RALGAPB: variants seen among roughly 807,000 people sequenced by gnomAD.
The protein encoded by RALGAPB is ral GTPase-activating protein subunit beta.
In RALGAPB, 25 loss-of-function variants were observed where a neutral mutation model predicts 161.1. That is an observed-to-expected ratio of 0.16 (90% confidence interval 0.11 to 0.22). The LOEUF (loss-of-function observed/expected upper bound fraction) is 0.22, where lower values mean the gene tolerates loss of function less well. Among genes scored for constraint, RALGAPB ranks in the 10% least tolerant of loss-of-function variants. The pLI, the probability that RALGAPB is intolerant of heterozygous loss-of-function variation, is 1.00. For missense variants in RALGAPB, 1,391 were observed against 1,815.2 expected, an observed-to-expected ratio of 0.77 and a Z score of 4.25; for synonymous variants, 629 against 626.1, an observed-to-expected ratio of 1.00 and a Z score of -0.07.
intron 1 of RALGAPB, among the ~76,000 whole-genome samples, chr20:38,482,691 A>G (rs2085004333): frequency 6.6e-6 from 1 of 152,108 alleles, no homozygotes; most frequent in Non-Finnish European, 1.5e-5. Flanking sequence ...GGCTTCCCAA[A>G]GTCCTGGGAT....
intron 20 of RALGAPB, among the ~76,000 whole-genome samples, chr20:38,550,569 T>C (rs2145434213): frequency 6.6e-6 from 1 of 152,320 alleles, no homozygotes; most frequent in South Asian, 2.1e-4. Flanking sequence ...GGGTTCACCA[T>C]GTACCCATAT....
rs1446127401 is a variant in RALGAPB at position 38,541,137 on chromosome 20, G to C, written c.2659G>C (p.Glu887Gln). Residue 887 changes from glutamate to glutamine, a missense_variant, in exon 18 of 30, where the codon GAG (glutamate) becomes CAG (glutamine). Coordinates refer to ENST00000262879, the MANE Select transcript of RALGAPB (RefSeq NM_020336.4). ...EQEVKYKGDK[E>Q]PNPASMRVKD... The stretch of plus-strand genomic sequence containing the variant: ...AGAGGTCAAGTACAAAGGAGATAAG[G>C]AGCCAAACCCTGCATCTATGAGGGT... The C allele has an allele frequency of 9.9e-6, 16 of 1,613,984 alleles. No homozygotes were observed. The highest frequency in any genetic ancestry group is 1.4e-5 in the Non-Finnish European group (16 of 1,179,998).
chr20:38,491,135 G>A (rs2122880702), intron 2 of RALGAPB, among the ~76,000 whole-genome samples: 1 of 152,302 alleles, frequency 6.6e-6, no homozygotes, highest in East Asian at 1.9e-4. Flanking sequence ...ACTTACTGCA[G>A]TTAAACCATG....
intron 4 of RALGAPB, 55 bp downstream of exon 4, chr20:38,497,571 T>G (rs1409858236): frequency 6.5e-7 from 1 of 1,542,478 alleles, no homozygotes; most frequent in East Asian, 2.2e-5. Context: ...ACAGTTCATC[T>G]TTAAACTCAG....
At chr20:38,551,712 A>G (rs1350193624) in intron 21 of RALGAPB, among the ~76,000 whole-genome samples, 2 of 152,238 alleles carry the variant, frequency 1.3e-5, no homozygotes, top group Non-Finnish European at 2.9e-5. Flanking sequence ...ACAGAAATGC[A>G]GACATTAGGA....
At position 38,517,612 on chromosome 20, in the gene RALGAPB, C is replaced by T. The variant is rs113016397; in HGVS notation, c.1158C>T (p.His386=). The T allele has an allele frequency of 9.2e-5, 149 of 1,613,872 alleles. No homozygotes were observed. Among genetic ancestry groups the T allele is most frequent in the Non-Finnish European group, 1.2e-4 (143 of 1,179,994 alleles). ...VSTTPPHNRR[H]RAVTVNKATM... ...CCACCCCCCCACATAACCGGAGGCA[C>T]CGGGCTGTTACTGTGAATAAGGCCA... Residue 386 remains histidine (H), a synonymous_variant, in exon 8 of 30, where the codon CAC becomes CAT. Coordinates refer to ENST00000262879, the MANE Select transcript of RALGAPB (RefSeq NM_020336.4).
chr20:38,533,539 A>C (rs1380422162), intron 15 of RALGAPB, among the ~76,000 whole-genome samples: 2 of 152,102 alleles, frequency 1.3e-5, no homozygotes, highest in Non-Finnish European at 2.9e-5. Flanking sequence ...CTTAGATGTG[A>C]GTTTAATCCT....
At chr20:38,568,517 G>T (rs148147936) in intron 26 of RALGAPB, 2,629 of 152,282 alleles carry the variant, frequency 0.017, 35 homozygotes, top group Middle Eastern at 0.037. Flanking sequence ...GTTCAACATG[G>T]TAGAGGAGGG....
At chr20:38,474,220 C>A (rs1316899267) in intron 1 of RALGAPB, among the ~76,000 whole-genome samples, 2 of 152,166 alleles carry the variant, frequency 1.3e-5, no homozygotes, top group Non-Finnish European at 2.9e-5. Context: ...ATCCTCTGAA[C>A]GTTCTGGCCA....
At position 38,578,557 on chromosome 20, in the gene RALGAPB, G is replaced by C. The variant is rs1449995883; in HGVS notation, c.*3590G>C. The C allele has an allele frequency of 6.6e-6, 1 of 152,530 alleles. No individual in the cohort carries two copies. The highest frequency in any genetic ancestry group is 1.5e-5 in the Non-Finnish European group (1 of 68,030). 9.4% of individuals were successfully genotyped at this position (152,530 alleles called of 1,614,324 possible). A position where few individuals can be genotyped will look rare whatever the true frequency, so the allele number is the denominator to read the frequency against. ...GGCAGTTGTGGCTAAAAAATAAGCA[G>C]TATCATTATTTGCTTGAAATCATAT... On this transcript the variant is annotated 3_prime_UTR_variant, in exon 30 of 30. Transcript: ENST00000262879.
In RALGAPB at chr20:38,525,488, C is replaced by T. The variant is rs369787930; in HGVS notation, c.1872C>T (p.Leu624=). The change falls in exon 12 of 30, where the codon CTC becomes CTT. Residue 624 remains leucine (L), a synonymous_variant. Transcript: ENST00000262879. The part of the protein sequence containing the change: ...SINILLSLLP[L]PHHFGTVKSE... ...ATATCCTGCTTTCTTTGTTGCCCCT[C>T]CCTCATCATTTTGGCACAGTCAAAT... The T allele has an allele frequency of 6.2e-6, 10 of 1,608,646 alleles. No individual in the cohort carries two copies. The African/African-American group carries it at 1.2e-4, about 19-fold the overall frequency.
intron 10 of RALGAPB, 101 bp downstream of exon 10, chr20:38,521,799 C>T: frequency 4.3e-6 from 5 of 1,164,178 alleles, no homozygotes; most frequent in Non-Finnish European, 4.9e-6. Context: ...TCTGAAATAC[C>T]TACAGATGTC....
intron 1 of RALGAPB, among the ~76,000 whole-genome samples, chr20:38,484,921 C>A (rs1030388661): frequency 4.6e-5 from 7 of 152,060 alleles, no homozygotes; most frequent in African/African-American, 1.4e-4. Context: ...TCTCCAACTC[C>A]CAACCTCAGG....
intron 16 of RALGAPB, among the ~76,000 whole-genome samples, chr20:38,537,607 T>C (rs2086846930): frequency 2.6e-5 from 4 of 152,224 alleles, no homozygotes; most frequent in Admixed American, 2.0e-4. Flanking sequence ...TGTTCTTTAG[T>C]AAACACTGTT....
At position 38,555,462 on chromosome 20, in the gene RALGAPB, G is replaced by A. The variant is rs147264269; in HGVS notation, c.3372+1386G>A. On this transcript the variant is annotated intron_variant, in intron 22 of 29. Coordinates refer to ENST00000262879, the MANE Select transcript of RALGAPB (RefSeq NM_020336.4). ...AAAACTTAAAATGCAGAATAAAAGA[G>A]CAGAGAGAGGAAAATTATAAGAAAC... Among the ~76,000 whole-genome samples the A allele has an allele frequency of 2.6e-3, 403 of 152,234 alleles. 1 individual carries two copies. The highest frequency in any genetic ancestry group is 9.2e-3 in the African/African-American group (384 of 41,524).
rs2088460990 is a variant in RALGAPB, at chr20:38,576,937, CTGTA to C, written c.*1974_*1977del. 1 of 152,592 alleles carries C rather than the reference CTGTA, an allele frequency of 6.6e-6. No homozygotes were observed. The highest frequency in any genetic ancestry group is 6.5e-5 in the Admixed American group (1 of 15,274). The allele number at this position is 152,592 out of a possible 1,614,324, so 9.5% of individuals were successfully genotyped here. On this transcript the variant is annotated 3_prime_UTR_variant, in exon 30 of 30. Coordinates refer to ENST00000262879, the MANE Select transcript of RALGAPB (RefSeq NM_020336.4). ...GCATAGTTAATTTCAGAAAAATGTG[CTGTA>C]TGTGTGTGTGTATGAGGGTTGGTCT...
rs1292905539 is a variant in RALGAPB at position 38,521,513 on chromosome 20, T to C, written c.1434T>C (p.Ala478=). 1 of 1,614,120 alleles carries C rather than the reference T, an allele frequency of 6.2e-7. No individual in the cohort carries two copies. Among genetic ancestry groups the C allele is most frequent in the Non-Finnish European group, 8.5e-7 (1 of 1,179,996 alleles). ...TCTCCCCAGCCATTACAACACAAGC[T>C]AGCATGGAGTTTCGACGGAAAGGGT... The part of the protein sequence containing the change: ...DSSMTAITTQ[A]SMEFRRKGSQ... Residue 478 remains alanine (A), a synonymous_variant, in exon 10 of 30, where the codon GCT becomes GCC. Transcript: ENST00000262879.
chr20:38,565,689 TTAAA>T (rs1233636503), intron 25 of RALGAPB, among the ~76,000 whole-genome samples: 2 of 152,246 alleles, frequency 1.3e-5, no homozygotes, highest in Admixed American at 6.5e-5. Flanking sequence ...CTAATAATCT[TTAAA>T]TAGTGAAGGA....
intron 24 of RALGAPB, 122 bp from the exon 25 acceptor site, chr20:38,565,237 C>A: frequency 1.8e-6 from 2 of 1,119,082 alleles, no homozygotes; most frequent in Non-Finnish European, 2.5e-6. Flanking sequence ...CTAATTGGTT[C>A]TTGTTGAAAA....
Sources: gnomAD v4.1 joint callset for allele counts (sites outside exome capture counted in the v4.1 genomes callset) on GRCh38, gnomAD v4.1.1 for gene constraint, MANE v1.5 for transcripts, NCBI Gene and HGNC (gene_info 2026-07-23, HGNC 2026-07-21) for gene names.